Variants in CA1 observed in about 807,000 individuals in gnomAD.
CA1 encodes carbonate dehydratase I.
A neutral mutation model predicts 28.8 loss-of-function variants in CA1; 27 were observed. That is an observed-to-expected ratio of 0.94 (90% confidence interval 0.69 to 1.29). The LOEUF is 1.29. CA1 is among the 50% of genes most tolerant of loss of function. The pLI is 0.00. For synonymous variants in CA1, 121 were observed against 108.8 expected, an observed-to-expected ratio of 1.11 and a Z score of -0.70; for missense variants, 335 against 310.5, an observed-to-expected ratio of 1.08 and a Z score of -0.59.
chr8:85,357,782 G>T (rs922502693), intron 1 of CA1, among the ~76,000 whole-genome samples: 1 of 152,120 alleles, frequency 6.6e-6, no homozygotes, highest in Admixed American at 6.5e-5. Context: ...AAGAACCCCT[G>T]AAATGAAACC....
At position 85,338,323 on chromosome 8, in the gene CA1, G is replaced by T; in HGVS notation, c.164C>A (p.Ala55Asp). 6.2e-7 allele frequency: 1 copy of T among 1,613,900 alleles called. No individual in the cohort carries two copies. The highest frequency in any genetic ancestry group is 8.5e-7 in the Non-Finnish European group (1 of 1,179,828). ...LKPISVSYNP[A>D]TAKEIINVGH... ...CACATTGATAATTTCTTTGGCTGTG[G>T]CTGGGTTGTAGGAGACACTAATAGG... The change falls in exon 3 of 8, where the codon GCC becomes GAC. Residue 55 changes from alanine to aspartate, a missense_variant. Coordinates refer to ENST00000523022, the MANE Select transcript of CA1 (RefSeq NM_001128831.4).
intron 1 of CA1, among the ~76,000 whole-genome samples, chr8:85,343,552 AC>A (rs1809012163): frequency 1.3e-5 from 2 of 152,262 alleles, no homozygotes; most frequent in Admixed American, 6.6e-5. Flanking sequence ...GGAGCAGGCT[AC>A]CCCCTGCCAG....
At chr8:85,333,183 C>A (rs571114085) in intron 5 of CA1, among the ~76,000 whole-genome samples, 2 of 152,110 alleles carry the variant, frequency 1.3e-5, no homozygotes, top group Non-Finnish European at 2.9e-5. Flanking sequence ...AATAATATTT[C>A]TTTCCTGATG....
intron 1 of CA1, among the ~76,000 whole-genome samples, chr8:85,344,215 T>TTA (rs1554696739): frequency 7.8e-5 from 5 of 64,006 alleles, no homozygotes; most frequent in African/African-American, 1.1e-4. Flanking sequence ...TATAATATAA[T>TTA]TATATTATAT....
At position 85,337,034 on chromosome 8, in the gene CA1, A is replaced by G; in HGVS notation, c.265T>C (p.Tyr89His). 6.2e-7 allele frequency: 1 copy of G among 1,612,784 alleles called. No homozygotes were observed. Among genetic ancestry groups the G allele is most frequent in the East Asian group, 2.2e-5 (1 of 44,826 alleles). ...TGAAAATGGAACTGAAAGAGCCTGT[A>G]GCTGTCAGAGAAAGGACCACCTTTC... ...VLKGGPFSDS[Y>H]RLFQFHFHWG... The change falls in exon 4 of 8, where the codon TAC becomes CAC. Residue 89 changes from tyrosine to histidine, a missense_variant. Coordinates refer to ENST00000523022, the MANE Select transcript of CA1 (RefSeq NM_001128831.4).
chr8:85,359,402 A>T (rs1163951531), intron 1 of CA1, among the ~76,000 whole-genome samples: 1 of 152,242 alleles, frequency 6.6e-6, no homozygotes, highest in Non-Finnish European at 1.5e-5. Context: ...TGCAGGCCAG[A>T]TCTATGAGTC....
chr8:85,328,733 T>C (rs993214586), intron 7 of CA1, 57 bp from the exon 8 acceptor site: 16 of 1,078,376 alleles, frequency 1.5e-5, no homozygotes, highest in Non-Finnish European at 2.1e-5. Flanking sequence ...TAAAGCGTTT[T>C]ATTTACAGGA....
At chr8:85,368,963 C>T (rs1487416015) in intron 1 of CA1, among the ~76,000 whole-genome samples, 1 of 151,962 alleles carries the variant, frequency 6.6e-6, no homozygotes, top group Non-Finnish European at 1.5e-5. Context: ...GGGTTTTTTC[C>T]AGGGAGGCTC....
chr8:85,374,386 A>T (rs1228711818), intron 1 of CA1, among the ~76,000 whole-genome samples: 1 of 152,196 alleles, frequency 6.6e-6, no homozygotes, highest in African/African-American at 2.4e-5. Context: ...AGCATGGTTG[A>T]TTAAAATTTT....
intron 1 of CA1, among the ~76,000 whole-genome samples, chr8:85,364,911 G>T (rs1032042610): frequency 1.3e-5 from 2 of 152,216 alleles, no homozygotes; most frequent in African/African-American, 4.8e-5. Flanking sequence ...AGAGAAAGGT[G>T]CTGAGGGTGG....
intron 1 of CA1, among the ~76,000 whole-genome samples, chr8:85,371,532 C>T (rs2130397962): frequency 6.6e-6 from 1 of 152,180 alleles, no homozygotes; most frequent in South Asian, 2.1e-4. Context: ...GTGTAGTACA[C>T]CCAAGCAGAA....
At chr8:85,342,502 C>A (rs1028265403) in intron 1 of CA1, among the ~76,000 whole-genome samples, 1 of 152,160 alleles carries the variant, frequency 6.6e-6, no homozygotes, top group African/African-American at 2.4e-5. Flanking sequence ...CCTCCTAATC[C>A]AGTTCCCTTC....
intron 6 of CA1, among the ~76,000 whole-genome samples, chr8:85,332,027 A>G (rs1459124285): frequency 6.6e-6 from 1 of 152,210 alleles, no homozygotes; most frequent in Non-Finnish European, 1.5e-5. Flanking sequence ...CTTTAAAACA[A>G]TAAAGCTAAG....
At chr8:85,354,588 C>T (rs796670493) in intron 1 of CA1, among the ~76,000 whole-genome samples, 1 of 152,102 alleles carries the variant, frequency 6.6e-6, no homozygotes, top group African/African-American at 2.4e-5. Context: ...ATAGCAGATT[C>T]AAGGTGGAGT....
chr8:85,365,895 G>C (rs898140176), intron 1 of CA1, among the ~76,000 whole-genome samples: 1 of 152,190 alleles, frequency 6.6e-6, no homozygotes, highest in African/African-American at 2.4e-5. Flanking sequence ...GACCCAGGCA[G>C]AGGGCAGTGG....
intron 1 of CA1, among the ~76,000 whole-genome samples, chr8:85,344,209 ATAT>A (rs1809052747): frequency 9.1e-6 from 1 of 109,508 alleles, no homozygotes; most frequent in Non-Finnish European, 1.7e-5. Context: ...ACAGTATATA[ATAT>A]AATTATATTA....
At chr8:85,329,632 C>A in intron 7 of CA1, 57 bp downstream of exon 7, 2 of 1,389,460 alleles carry the variant, frequency 1.4e-6, no homozygotes, top group South Asian at 2.4e-5. Flanking sequence ...CTGATACTAT[C>A]AATTAAAGTA....
At chr8:85,330,633 G>C (rs1448587981) in intron 6 of CA1, among the ~76,000 whole-genome samples, 1 of 152,062 alleles carries the variant, frequency 6.6e-6, no homozygotes, top group Non-Finnish European at 1.5e-5. Flanking sequence ...TAAGTTTTCA[G>C]ACAGTTTTCT....
chr8:85,350,473 A>G (rs1028026744), intron 1 of CA1, among the ~76,000 whole-genome samples: 2 of 152,204 alleles, frequency 1.3e-5, no homozygotes, highest in African/African-American at 4.8e-5. Flanking sequence ...CCTGTGATGG[A>G]GTTCCTTAAT....
Sources: allele counts gnomAD v4.1 joint callset (sites outside exome capture counted in the v4.1 genomes callset), GRCh38; gene constraint gnomAD v4.1.1; transcripts MANE v1.5; gene names NCBI Gene and HGNC (gene_info 2026-07-23, HGNC 2026-07-21).